The following CAST variants were observed in gnomAD, a reference collection of about 807,000 sequenced individuals.
The protein encoded by CAST is MIR583 host.
In CAST, 76 loss-of-function variants were observed where a neutral mutation model predicts 119.6. The ratio of observed to expected loss-of-function variants is 0.64; its 90% CI spans 0.53 to 0.77. The LOEUF (loss-of-function observed/expected upper bound fraction) is 0.77. Among genes scored for constraint, CAST ranks in the 30% least tolerant of loss-of-function variants. The pLI is 0.00. For synonymous variants in CAST, 319 were observed against 331.6 expected (o/e 0.96, Z 0.41); for missense variants, 953 against 946.5 (o/e 1.01, Z -0.09).
At chr5:96,097,031 G>C in the CAST span, among the ~76,000 whole-genome samples, 4 of 152,150 alleles carry the variant, frequency 2.6e-5, no homozygotes, top group African/African-American at 9.7e-5. Context: ...CTGATATTTT[G>C]ATTAAGTTTG....
At chr5:96,546,488 T>G (rs1746020012) in intron 1 of CAST, 1 of 152,150 alleles carries the variant, frequency 6.6e-6, no homozygotes, top group Non-Finnish European at 1.5e-5. Context: ...ATGGTAGAGA[T>G]TCTATCTCTC....
chr5:96,579,035 C>G (rs1194840621), intron 1 of CAST, among the ~76,000 whole-genome samples: 1 of 152,196 alleles, frequency 6.6e-6, no homozygotes, highest in Admixed American at 6.5e-5. Flanking sequence ...CTAGACTAGG[C>G]TGCTTCTGTC....
At chr5:96,153,899 C>T in the CAST span, among the ~76,000 whole-genome samples, 8 of 152,154 alleles carry the variant, frequency 5.3e-5, no homozygotes, top group Non-Finnish European at 1.2e-4. Context: ...GAAATATATG[C>T]GTAAGGCAGA....
chr5:96,630,988 C>T (rs1441448558), intron 1 of CAST: 1 of 140,780 alleles, frequency 7.1e-6, no homozygotes, highest in Non-Finnish European at 1.6e-5. Context: ...GACTGCATTG[C>T]TTCATGGCAC....
the CAST span, among the ~76,000 whole-genome samples, chr5:96,169,463 A>G: frequency 2.0e-5 from 3 of 152,342 alleles, no homozygotes; most frequent in South Asian, 6.2e-4. Flanking sequence ...AGGCAAAACA[A>G]TTTGGTTGAT....
chr5:96,390,133 C>T, the CAST span, among the ~76,000 whole-genome samples: 3 of 152,162 alleles, frequency 2.0e-5, no homozygotes, highest in Non-Finnish European at 4.4e-5. Flanking sequence ...AGTTAAGGCT[C>T]AGTCATACAG....
At chr5:96,450,835 A>G in the CAST span, among the ~76,000 whole-genome samples, 1 of 152,220 alleles carries the variant, frequency 6.6e-6, no homozygotes, top group Non-Finnish European at 1.5e-5. Flanking sequence ...GTCTATTTTC[A>G]TCCTCTGTGC....
At chr5:96,303,852 A>G in the CAST span, among the ~76,000 whole-genome samples, 1 of 152,190 alleles carries the variant, frequency 6.6e-6, no homozygotes, top group Non-Finnish European at 1.5e-5. Context: ...TCTATCATTA[A>G]TGGGCATTTG....
chr5:96,054,513 G>A, the CAST span, among the ~76,000 whole-genome samples: 3 of 152,024 alleles, frequency 2.0e-5, no homozygotes, highest in African/African-American at 2.4e-5. Flanking sequence ...CAAAAACCAC[G>A]CACTGGGAAG....
At chr5:96,484,725 C>A in the CAST span, among the ~76,000 whole-genome samples, 11 of 149,678 alleles carry the variant, frequency 7.3e-5, no homozygotes, top group East Asian at 2.2e-3. Flanking sequence ...GAAAAATGAA[C>A]TCCAACGAGC....
At chr5:96,351,219 G>A in the CAST span, among the ~76,000 whole-genome samples, 1 of 152,042 alleles carries the variant, frequency 6.6e-6, no homozygotes, top group Admixed American at 6.6e-5. Context: ...TGTGTATAAT[G>A]GATTGTATAA....
At chr5:96,425,971 T>A in the CAST span, 5 of 1,123,810 alleles carry the variant, frequency 4.4e-6, no homozygotes, top group South Asian at 6.2e-5. Flanking sequence ...AAGTCAAATA[T>A]CTACCTCTGT....
the CAST span, among the ~76,000 whole-genome samples, chr5:96,334,977 C>A: frequency 6.6e-6 from 1 of 152,182 alleles, no homozygotes; most frequent in African/African-American, 2.4e-5. Context: ...CCTGCATTAT[C>A]GTCCTCCAAT....
chr5:96,058,988 A>T, the CAST span, among the ~76,000 whole-genome samples: 2 of 152,124 alleles, frequency 1.3e-5, no homozygotes, highest in African/African-American at 2.4e-5. Context: ...GGCTGAAAAA[A>T]CAGAATGACG....
chr5:96,416,701 G>C, the CAST span, among the ~76,000 whole-genome samples: 3 of 152,302 alleles, frequency 2.0e-5, no homozygotes, highest in East Asian at 5.8e-4. Flanking sequence ...ACCAAGAGGA[G>C]CTTGAGATAT....
the CAST span, among the ~76,000 whole-genome samples, chr5:96,199,132 C>T: frequency 2.6e-5 from 4 of 152,164 alleles, no homozygotes; most frequent in South Asian, 2.1e-4. Context: ...ATTATTTTCC[C>T]TTGAGTATAA....
At chr5:96,212,675 G>A in the CAST span, among the ~76,000 whole-genome samples, 2 of 152,058 alleles carry the variant, frequency 1.3e-5, no homozygotes, top group Admixed American at 1.3e-4. Flanking sequence ...TTGAAAGAGG[G>A]CTATTGAAGT....
At chr5:96,025,911 G>A in the CAST span, among the ~76,000 whole-genome samples, 1 of 152,188 alleles carries the variant, frequency 6.6e-6, no homozygotes, top group Non-Finnish European at 1.5e-5. Flanking sequence ...ACATGTGAGA[G>A]TCTGAACTTT....
At chr5:96,143,525 C>G in the CAST span, among the ~76,000 whole-genome samples, 3 of 152,236 alleles carry the variant, frequency 2.0e-5, no homozygotes, top group African/African-American at 7.2e-5. Flanking sequence ...GGGCCGATTC[C>G]TAAACTGAGT....
Sources: allele counts gnomAD v4.1 joint callset (sites outside exome capture counted in the v4.1 genomes callset), GRCh38; gene constraint gnomAD v4.1.1; transcripts MANE v1.5; gene names NCBI Gene and HGNC (gene_info 2026-07-23, HGNC 2026-07-21).